The following TAS2R1 variants were observed in gnomAD, a reference collection of about 807,000 sequenced individuals.
TAS2R1 encodes taste receptor type 2 member 1.
For synonymous variants in TAS2R1, 141 were observed against 134.2 expected, an observed-to-expected ratio of 1.05 and a Z score of -0.35; for missense variants, 370 against 353.4, an observed-to-expected ratio of 1.05 and a Z score of -0.38.
the TAS2R1 span, among the ~76,000 whole-genome samples, chr5:9,777,877 G>GT: frequency 0.071 from 10,072 of 142,818 alleles, 549 homozygotes; most frequent in African/African-American, 0.14. Context: ...GAGGCCAGGT[G>GT]TTTTTTTTTT....
the TAS2R1 span, among the ~76,000 whole-genome samples, chr5:9,872,152 TG>T: frequency 6.6e-6 from 1 of 152,238 alleles, no homozygotes; most frequent in Non-Finnish European, 1.5e-5. Flanking sequence ...TATGGTATGG[TG>T]GTCTTAAAAA....
At chr5:9,695,641 C>A (rs1224873036) in intron 1 of TAS2R1, among the ~76,000 whole-genome samples, 1 of 152,036 alleles carries the variant, frequency 6.6e-6, no homozygotes, top group Non-Finnish European at 1.5e-5. Flanking sequence ...TGGAGAATTG[C>A]CAGGTCTCCA....
At chr5:9,894,347 T>A in the TAS2R1 span, among the ~76,000 whole-genome samples, 9 of 151,410 alleles carry the variant, frequency 5.9e-5, no homozygotes, top group African/African-American at 1.9e-4. Flanking sequence ...GAGGTTGCAG[T>A]GAGCCAAGAT....
intron 2 of TAS2R1, among the ~76,000 whole-genome samples, chr5:9,644,284 G>A (rs554921683): frequency 2.9e-4 from 44 of 152,218 alleles, no homozygotes; most frequent in African/African-American, 1.0e-3. Flanking sequence ...AACAACTAAA[G>A]GCTGTTGCAG....
the TAS2R1 span, among the ~76,000 whole-genome samples, chr5:9,768,206 C>A: frequency 6.6e-6 from 1 of 152,284 alleles, no homozygotes; most frequent in South Asian, 2.1e-4. Context: ...CCGAAGTCTG[C>A]ACATGGCTGG....
At chr5:9,663,460 G>A (rs897384366) in intron 1 of TAS2R1, among the ~76,000 whole-genome samples, 5 of 152,212 alleles carry the variant, frequency 3.3e-5, no homozygotes, top group Middle Eastern at 3.4e-3. Flanking sequence ...TTTCAGAGAC[G>A]TAAATTTTTT....
the TAS2R1 span, among the ~76,000 whole-genome samples, chr5:9,858,448 A>G: frequency 2.0e-5 from 3 of 152,160 alleles, no homozygotes; most frequent in Admixed American, 1.3e-4. Flanking sequence ...GGTAATATAA[A>G]GCTGTCCTTC....
At chr5:9,894,034 T>C in the TAS2R1 span, among the ~76,000 whole-genome samples, 92 of 152,122 alleles carry the variant, frequency 6.0e-4, no homozygotes, top group Non-Finnish European at 1.2e-3. Flanking sequence ...GGACATGAGG[T>C]CTTTAAAGAG....
At position 9,662,161 on chromosome 5, in the gene TAS2R1, A is replaced by T. The variant is rs536358027; in HGVS notation, c.-241-2580T>A. ...TGTAAGCAAGTCACAAATCCAGCCT[A>T]ATTCCAAACGGGTAGAGAAAGAAAA... On this transcript the variant is annotated intron_variant, in intron 1 of 2. Transcript: ENST00000506620. Among the ~76,000 whole-genome samples, 13 of 152,300 alleles carry T rather than the reference A, an allele frequency of 8.5e-5. No homozygotes were observed. In the South Asian group the frequency reaches 2.7e-3, roughly 32 times the overall value.
chr5:9,750,874 CACAT>C, the TAS2R1 span, among the ~76,000 whole-genome samples: 4 of 152,024 alleles, frequency 2.6e-5, no homozygotes, highest in Non-Finnish European at 5.9e-5. Flanking sequence ...GATGTATCCT[CACAT>C]ACAAATGCCA....
chr5:9,808,334 G>A, the TAS2R1 span, among the ~76,000 whole-genome samples: 1 of 152,146 alleles, frequency 6.6e-6, no homozygotes, highest in Non-Finnish European at 1.5e-5. Context: ...GTTCATAAAT[G>A]AAGTTAGCTA....
At chr5:9,746,686 C>T in the TAS2R1 span, among the ~76,000 whole-genome samples, 3 of 152,150 alleles carry the variant, frequency 2.0e-5, no homozygotes, top group South Asian at 2.1e-4. Flanking sequence ...AAACATCACA[C>T]GTTCTCACTC....
At chr5:9,843,625 A>G in the TAS2R1 span, among the ~76,000 whole-genome samples, 1 of 152,264 alleles carries the variant, frequency 6.6e-6, no homozygotes, top group African/African-American at 2.4e-5. Context: ...TCCAGAGATG[A>G]AGGGTAAACC....
In TAS2R1 at chr5:9,627,371, GA is replaced by G. The variant is rs1180103686; in HGVS notation, c.*1761del. Among the ~76,000 whole-genome samples, 2 of 152,150 alleles carry G rather than the reference GA, an allele frequency of 1.3e-5. No homozygotes were observed. The highest frequency in any genetic ancestry group is 2.9e-5 in the Non-Finnish European group (2 of 68,016). On this transcript the variant is annotated 3_prime_UTR_variant, in exon 1 of 1. Coordinates refer to ENST00000382492, the MANE Select transcript of TAS2R1 (RefSeq NM_019599.3). ...AATGTTTTTAGAATTGTTTTATTAT[GA>G]ATTCTTTTTTTAAACATTTCTTGAT...
intron 1 of TAS2R1, among the ~76,000 whole-genome samples, chr5:9,663,162 A>C (rs1438360734): frequency 2.0e-5 from 3 of 152,156 alleles, no homozygotes; most frequent in Admixed American, 2.0e-4. Flanking sequence ...AATAATTGGA[A>C]ATTAGCTTAA....
At chr5:9,866,460 A>G in the TAS2R1 span, among the ~76,000 whole-genome samples, 1 of 152,250 alleles carries the variant, frequency 6.6e-6, no homozygotes, top group Non-Finnish European at 1.5e-5. Flanking sequence ...TTGTATAAAA[A>G]ATGTAGAGAC....
chr5:9,739,523 C>T, the TAS2R1 span, among the ~76,000 whole-genome samples: 2 of 152,172 alleles, frequency 1.3e-5, no homozygotes, highest in African/African-American at 4.8e-5. Flanking sequence ...CCTGCTAACC[C>T]AGCATCCAAA....
chr5:9,684,854 AG>A, intron 1 of TAS2R1, among the ~76,000 whole-genome samples: 1 of 118,908 alleles, frequency 8.4e-6, no homozygotes, highest in Non-Finnish European at 2.0e-5. Context: ...ATCAACTAAA[AG>A]TTAAAGGAAA....
At chr5:9,669,919 G>A (rs531979279) in intron 1 of TAS2R1, among the ~76,000 whole-genome samples, 2 of 151,718 alleles carry the variant, frequency 1.3e-5, no homozygotes, top group South Asian at 4.2e-4. Flanking sequence ...CTGAACTGAA[G>A]GAAATTGAGA....
Sources: allele counts gnomAD v4.1 joint callset (sites outside exome capture counted in the v4.1 genomes callset), GRCh38; gene constraint gnomAD v4.1.1; transcripts MANE v1.5; gene names NCBI Gene and HGNC (gene_info 2026-07-23, HGNC 2026-07-21).